Variants in MAN1A2 observed in about 807,000 individuals in gnomAD.
The protein encoded by MAN1A2 is mannosyl-oligosaccharide 1,2-alpha-mannosidase IB.
A neutral mutation model predicts 75.7 loss-of-function variants in MAN1A2; 26 were observed. The observed-to-expected ratio is 0.34, with a 90% CI of 0.25 to 0.48. MAN1A2 has a LOEUF of 0.48. MAN1A2 is among the 20% of genes least tolerant of loss of function. MAN1A2 has a pLI of 0.99. For missense variants in MAN1A2, 562 were observed against 775.5 expected (o/e 0.72, Z 3.27); for synonymous variants, 247 against 264.6 (o/e 0.93, Z 0.65).
intron 5 of MAN1A2, among the ~76,000 whole-genome samples, chr1:117,435,742 A>C (rs538336292): frequency 3.2e-4 from 48 of 152,350 alleles, no homozygotes; most frequent in African/African-American, 9.6e-4. Context: ...AACTAAGCAA[A>C]TATTTTGTAA....
intron 12 of MAN1A2, 81 bp downstream of exon 12, chr1:117,503,051 T>A: frequency 1.5e-6 from 1 of 675,344 alleles, no homozygotes; most frequent in Non-Finnish European, 2.4e-6. Flanking sequence ...TACAACTATG[T>A]GACAGGTTAC....
intron 6 of MAN1A2, among the ~76,000 whole-genome samples, chr1:117,455,309 GT>G (rs1288256218): frequency 1.3e-5 from 2 of 152,112 alleles, no homozygotes; most frequent in African/African-American, 4.8e-5. Flanking sequence ...CTAATCAGTA[GT>G]GAGAGGAAGC....
intron 1 of MAN1A2, among the ~76,000 whole-genome samples, chr1:117,397,313 A>C (rs1364593728): frequency 6.6e-6 from 1 of 152,216 alleles, no homozygotes; most frequent in Non-Finnish European, 1.5e-5. Context: ...TCTGATGAGC[A>C]AAGTTTGACT....
chr1:117,509,956 C>T (rs1651480512), intron 12 of MAN1A2, among the ~76,000 whole-genome samples: 1 of 151,312 alleles, frequency 6.6e-6, no homozygotes, highest in Non-Finnish European at 1.5e-5. Context: ...TAATATATAT[C>T]CTTTAGCCTT....
In MAN1A2 at chr1:117,423,393, A is replaced by T. The variant is rs544552114; in HGVS notation, c.855+2744A>T. On this transcript the variant is annotated intron_variant, in intron 5 of 12. Coordinates refer to ENST00000356554, the MANE Select transcript of MAN1A2 (RefSeq NM_006699.5). ...TTTTCCTTTTTGTATAAATTTTAGAATCAACTTGTTGGTTTCTATAAAATC... is the reference window on the plus strand; with the variant it reads ...TTTTCCTTTTTGTATAAATTTTAGATTCAACTTGTTGGTTTCTATAAAATC... Among the ~76,000 whole-genome samples the T allele has an allele frequency of 5.3e-5, 8 of 152,256 alleles. No individual in the cohort carries two copies. In the South Asian group the frequency reaches 1.2e-3, roughly 24 times the overall value.
chr1:117,370,642 G>A (rs191841207), intron 1 of MAN1A2, among the ~76,000 whole-genome samples: 148 of 152,066 alleles, frequency 9.7e-4, no homozygotes, highest in Admixed American at 1.5e-3. Flanking sequence ...CAGAAAAATA[G>A]CACTTTTACA....
Position 117,499,479 on chromosome 1 carries a change from A to C in MAN1A2, c.1602A>C (p.Val534=). 1.2e-6 allele frequency: 2 copies of C among 1,609,342 alleles called. No homozygotes were observed. The highest frequency in any genetic ancestry group is 1.7e-6 in the Non-Finnish European group (2 of 1,177,604). Residue 534 remains valine, a synonymous_variant, in exon 11 of 13, where the codon GTA becomes GTC. Transcript: ENST00000356554. The part of the protein sequence containing the change: ...AEKYYILRPE[V]IETYWYLWRF... ...AGTATTATATCCTCCGTCCAGAAGT[A>C]ATTGAAACCTATTGGTACCTATGGC...
chr1:117,407,816 T>A (rs1322696994), intron 3 of MAN1A2, among the ~76,000 whole-genome samples: 1 of 152,246 alleles, frequency 6.6e-6, no homozygotes, highest in African/African-American at 2.4e-5. Context: ...ATAATCAAGC[T>A]GGTTTCTTAG....
intron 5 of MAN1A2, among the ~76,000 whole-genome samples, chr1:117,425,925 G>A (rs1207652598): frequency 6.6e-6 from 1 of 152,022 alleles, no homozygotes; most frequent in East Asian, 1.9e-4. Flanking sequence ...CTTTTTGCAG[G>A]TTCAGGTTTC....
chr1:117,368,064 T>G lies in MAN1A2; in HGVS notation c.-120T>G, dbSNP rs1652827815. 1 of 990,906 alleles carries G rather than the reference T, an allele frequency of 1.0e-6. No homozygotes were observed. The highest frequency in any genetic ancestry group is 2.3e-5 in the Admixed American group (1 of 42,618). 61.4% of individuals were successfully genotyped at this position (990,906 alleles called of 1,614,324 possible). On this transcript the variant is annotated 5_prime_UTR_variant, in exon 1 of 13. Transcript: ENST00000356554. ...GCCCTCTTAAAAAGCACAACAGTCC[T>G]TTAAGAGGAGCAAAATTGAGTTTTC...
intron 3 of MAN1A2, among the ~76,000 whole-genome samples, chr1:117,406,392 T>A (rs1445106004): frequency 6.6e-6 from 1 of 152,170 alleles, no homozygotes; most frequent in African/African-American, 2.4e-5. Flanking sequence ...TTTAATGGGC[T>A]AAAAAGTCAC....
intron 8 of MAN1A2, among the ~76,000 whole-genome samples, chr1:117,483,946 A>T (rs1650582989): frequency 6.6e-6 from 1 of 151,846 alleles, no homozygotes; most frequent in Non-Finnish European, 1.5e-5. Context: ...TGTTTCAGGT[A>T]TGGGGAGGGA....
rs575059856 is a variant in MAN1A2 at position 117,527,471 on chromosome 1, A to G, written c.*4514A>G. On this transcript the variant is annotated 3_prime_UTR_variant, in exon 13 of 13. Transcript: ENST00000356554. ...ATTTTTAAATCAAAAAGATGTGCGTATATATGGTTGTGTGTATCTGTATAA... is the reference window on the plus strand; with the variant it reads ...ATTTTTAAATCAAAAAGATGTGCGTGTATATGGTTGTGTGTATCTGTATAA... The G allele has an allele frequency of 1.3e-5, 2 of 152,106 alleles. No individual in the cohort carries two copies. Among genetic ancestry groups the G allele is most frequent in the East Asian group, 1.9e-4 (1 of 5,172 alleles). The allele number at this position is 152,106 out of a possible 1,614,324, so 9.4% of individuals were successfully genotyped here.
At chr1:117,445,882 G>GTA (rs1224175021) in intron 6 of MAN1A2, among the ~76,000 whole-genome samples, 12,418 of 134,772 alleles carry the variant, frequency 0.092, 1,047 homozygotes, top group African/African-American at 0.21. Flanking sequence ...GTCTGTGTGT[G>GTA]TGTATATATA....
chr1:117,382,650 G>C (rs968217426), intron 1 of MAN1A2, among the ~76,000 whole-genome samples: 6 of 152,146 alleles, frequency 3.9e-5, no homozygotes, highest in South Asian at 2.1e-4. Context: ...GCTTAGGATT[G>C]ACTTGGCGAT....
intron 1 of MAN1A2, among the ~76,000 whole-genome samples, chr1:117,391,675 G>A (rs190534140): frequency 6.6e-6 from 1 of 152,280 alleles, no homozygotes; most frequent in African/African-American, 2.4e-5. Context: ...CCTGTACATA[G>A]GATGATGATT....
chr1:117,516,097 C>T (rs1651707152), intron 12 of MAN1A2, among the ~76,000 whole-genome samples: 1 of 152,078 alleles, frequency 6.6e-6, no homozygotes, highest in African/African-American at 2.4e-5. Flanking sequence ...CTGCTTCCCT[C>T]CATTATTCCT....
intron 12 of MAN1A2, among the ~76,000 whole-genome samples, chr1:117,504,719 C>G (rs932304880): frequency 6.6e-5 from 10 of 151,464 alleles, no homozygotes; most frequent in Admixed American, 6.0e-4. Flanking sequence ...TCTCTTTAGT[C>G]TCCTTTAATC....
intron 6 of MAN1A2, among the ~76,000 whole-genome samples, chr1:117,449,953 A>G (rs1649353217): frequency 6.6e-6 from 1 of 152,218 alleles, no homozygotes; most frequent in Non-Finnish European, 1.5e-5. Flanking sequence ...ATCTGCCTCC[A>G]AAACTTAAAG....
Sources: gnomAD v4.1 joint callset for allele counts (sites outside exome capture counted in the v4.1 genomes callset) on GRCh38, gnomAD v4.1.1 for gene constraint, MANE v1.5 for transcripts, NCBI Gene and HGNC (gene_info 2026-07-23, HGNC 2026-07-21) for gene names.